NFATC2: variants seen among roughly 807,000 people sequenced by gnomAD.
NFATC2 encodes nuclear factor of activated T-cells, cytoplasmic 2.
Under a neutral mutation model 87.3 loss-of-function variants are expected in NFATC2, and 22 were observed. The ratio of observed to expected loss-of-function variants is 0.25; its 90% CI spans 0.18 to 0.36. NFATC2 has a LOEUF of 0.36. NFATC2 is among the 10% of genes least tolerant of loss of function. NFATC2 has a pLI of 1.00. For synonymous variants in NFATC2, 565 were observed against 542.2 expected (o/e 1.04, Z -0.58); for missense variants, 1,149 against 1,259.1 (o/e 0.91, Z 1.32).
rs137969195 is a variant in NFATC2, at chr20:51,413,065, G to A, written c.2723-14335C>T. Among the ~76,000 whole-genome samples, 424 of 148,290 alleles carry A rather than the reference G, an allele frequency of 2.9e-3. 11 individuals carry two copies. The highest frequency in any genetic ancestry group is 0.018 in the East Asian group (90 of 4,936). ...CCTGCTCTCCAGGCAGCCAGCTCCC[G>A]GGTTTCACAATCCTTTCCATGGCAC... On this transcript the variant is annotated intron_variant, in intron 9 of 10. Transcript: ENST00000371564.
chr20:51,541,122 C>T (rs895226209), intron 1 of NFATC2, among the ~76,000 whole-genome samples: 1 of 152,252 alleles, frequency 6.6e-6, no homozygotes. Flanking sequence ...CCTCACCTAA[C>T]GTGGCCAGAG....
At chr20:51,544,281 C>T (rs754925471), upstream of NFATC2, among the ~76,000 whole-genome samples, 1 of 152,056 alleles carries the variant, frequency 6.6e-6, no homozygotes, top group Non-Finnish European at 1.5e-5. Flanking sequence ...GCCACCACGC[C>T]CGGCCTGAAA....
intron 9 of NFATC2, among the ~76,000 whole-genome samples, chr20:51,418,505 T>G (rs1980362110): frequency 6.6e-6 from 1 of 152,192 alleles, no homozygotes; most frequent in East Asian, 1.9e-4. Context: ...GCTGAAAGAC[T>G]TGCTTCAAGA....
Position 51,523,808 on chromosome 20 carries a change from C to A in NFATC2, c.433G>T (p.Val145Leu). The change falls in exon 2 of 11, where the codon GTG becomes TTG. Residue 145 changes from valine to leucine, a missense_variant. By Grantham distance (32) the Val-to-Leu change is conservative. Around this residue, in one of 3 missense-constraint regions of NFATC2, gnomAD observed 563 missense variants for 585.2 expected, o/e 0.96. Transcript: ENST00000371564. This position sits in a 1 kb window ranked among gnomAD's most constrained non-coding sequence, Gnocchi z 6.9. ...LLVEQPPLAGVAASPRFTLPV... is the reference protein window; with the variant it reads ...LLVEQPPLAGLAASPRFTLPV... ...AGGGTGAACCTCGGGCTGGCGGCCACCCCGGCCAGGGGCGGCTGCTCCACC... is the reference window on the plus strand; with the variant it reads ...AGGGTGAACCTCGGGCTGGCGGCCAACCCGGCCAGGGGCGGCTGCTCCACC... The A allele has an allele frequency of 6.2e-7, 1 of 1,609,572 alleles. No homozygotes were observed.
chr20:51,405,421 T>C (rs1300141780), intron 9 of NFATC2, among the ~76,000 whole-genome samples: 1 of 95,278 alleles, frequency 1.0e-5, no homozygotes, highest in Non-Finnish European at 2.3e-5. Context: ...GCAGGCGCCA[T>C]GACCTCACAC....
At chr20:51,446,156 C>T (rs2146393874) in intron 6 of NFATC2, among the ~76,000 whole-genome samples, 1 of 152,328 alleles carries the variant, frequency 6.6e-6, no homozygotes, top group African/African-American at 2.4e-5. Flanking sequence ...CTCCCTCCAG[C>T]TGCCAGGCTA....
At chr20:51,498,064 G>A (rs2076018358) in intron 3 of NFATC2, among the ~76,000 whole-genome samples, 1 of 152,108 alleles carries the variant, frequency 6.6e-6, no homozygotes, top group Non-Finnish European at 1.5e-5. Context: ...GACTTCTGTT[G>A]GCCTCAAGCG....
At position 51,542,554 on chromosome 20, in the gene NFATC2, T is replaced by C. The variant is rs2076838005; in HGVS notation, c.-55A>G. On this transcript the variant is annotated 5_prime_UTR_variant, in exon 1 of 11. Transcript: ENST00000371564. The stretch of plus-strand genomic sequence containing the variant: ...GGGGGCGAGGGCGGGCGCGGCTGGC[T>C]CTGGGACCCCTCGCAGTGGGGCTGG... The C allele has an allele frequency of 1.5e-6, 2 of 1,309,452 alleles. No homozygotes were observed. The highest frequency in any genetic ancestry group is 1.9e-6 in the Non-Finnish European group (2 of 1,029,342). 81.1% of individuals were successfully genotyped at this position (1,309,452 alleles called of 1,614,324 possible). A position where few individuals can be genotyped will look rare whatever the true frequency, so the allele number is the denominator to read the frequency against.
intron 1 of NFATC2, 21 bp downstream of exon 1, chr20:51,542,337 TCAGGGGCCAGGC>T (rs1319040033): frequency 3.1e-6 from 5 of 1,593,896 alleles, no homozygotes; most frequent in African/African-American, 1.4e-5. Context: ...CCTGGCGGGC[TCAGGGGCCAGGC>T]CAGGGGTAGC....
At chr20:51,458,510 A>T (rs78757645) in intron 5 of NFATC2, among the ~76,000 whole-genome samples, 1 of 151,790 alleles carries the variant, frequency 6.6e-6, no homozygotes, top group South Asian at 2.1e-4. Context: ...AAAAAAAAAA[A>T]TCTTCAAGCC....
chr20:51,509,219 T>C (rs185664046), intron 3 of NFATC2, among the ~76,000 whole-genome samples: 254 of 152,288 alleles, frequency 1.7e-3, no homozygotes, highest in African/African-American at 5.5e-3. Flanking sequence ...CCTGATAGTT[T>C]TCCCCATAGG....
At chr20:51,418,387 C>T (rs1356947031) in intron 9 of NFATC2, among the ~76,000 whole-genome samples, 1 of 152,248 alleles carries the variant, frequency 6.6e-6, no homozygotes, top group African/African-American at 2.4e-5. Flanking sequence ...TGGGGTGCTA[C>T]TGGCATCCGG....
intron 3 of NFATC2, among the ~76,000 whole-genome samples, chr20:51,497,270 G>C (rs1054529937): frequency 2.6e-5 from 4 of 152,144 alleles, no homozygotes; most frequent in African/African-American, 9.7e-5. Flanking sequence ...CCAAAGTCAA[G>C]GTGCACTTGG....
At chr20:51,505,459 G>A (rs6021260) in intron 3 of NFATC2, among the ~76,000 whole-genome samples, 24,269 of 108,218 alleles carry the variant, frequency 0.22, 2,473 homozygotes, top group African/African-American at 0.37. Context: ...GTAGGTGTGT[G>A]TATATATATA....
chr20:51,454,491 G>C, intron 6 of NFATC2, 57 bp downstream of exon 6: 3 of 1,596,642 alleles, frequency 1.9e-6, no homozygotes, highest in Non-Finnish European at 8.5e-7. Flanking sequence ...ATAATAAAGA[G>C]ATGGTCACTT....
At chr20:51,471,515 T>C (rs1029821485) in intron 5 of NFATC2, among the ~76,000 whole-genome samples, 1 of 152,192 alleles carries the variant, frequency 6.6e-6, no homozygotes, top group Non-Finnish European at 1.5e-5. Context: ...GGTCTTTCTC[T>C]TCTAAGATCA....
chr20:51,395,740 A>C (rs1310730565), intron 10 of NFATC2, among the ~76,000 whole-genome samples: 1 of 150,864 alleles, frequency 6.6e-6, no homozygotes, highest in East Asian at 1.9e-4. Context: ...TATATGACAA[A>C]GTCATTTATA....
chr20:51,463,729 G>A (rs1987389375), intron 5 of NFATC2, among the ~76,000 whole-genome samples: 1 of 152,158 alleles, frequency 6.6e-6, no homozygotes, highest in African/African-American at 2.4e-5. Flanking sequence ...ACCCTGCAAG[G>A]GTGCTTTTCT....
At chr20:51,495,756 G>A (rs2075977691) in intron 3 of NFATC2, among the ~76,000 whole-genome samples, 1 of 152,198 alleles carries the variant, frequency 6.6e-6, no homozygotes, top group South Asian at 2.1e-4. Context: ...ACCCCCAGGT[G>A]TAAGAGAGCT....
Sources: allele counts gnomAD v4.1 joint callset (sites outside exome capture counted in the v4.1 genomes callset), GRCh38; gene constraint gnomAD v4.1.1; regional missense constraint gnomAD v4.1.1; non-coding constraint Gnocchi (gnomAD v3.1); transcripts MANE v1.5; gene names NCBI Gene and HGNC (gene_info 2026-07-23, HGNC 2026-07-21).